GALNT8: variants seen among roughly 807,000 people sequenced by gnomAD.
The protein encoded by GALNT8 is polypeptide N-acetylgalactosaminyltransferase 8.
GALNT8 carries 66 observed loss-of-function variants against 62.7 expected under a neutral mutation model. The ratio of observed to expected loss-of-function variants is 1.05; its 90% confidence interval spans 0.86 to 1.29. The LOEUF (loss-of-function observed/expected upper bound fraction) is 1.29, where lower values mean the gene tolerates loss of function less well. Among genes scored for constraint, GALNT8 ranks in the 50% most tolerant of loss-of-function variants. The pLI, the probability that GALNT8 is intolerant of heterozygous loss-of-function variation, is 0.00. For synonymous variants in GALNT8, 288 were observed against 294.3 expected, an observed-to-expected ratio of 0.98 and a Z score of 0.22; for missense variants, 771 against 791.8, an observed-to-expected ratio of 0.97 and a Z score of 0.32.
At chr12:4,748,469 G>A (rs1946309704) in intron 6 of GALNT8, among the ~76,000 whole-genome samples, 2 of 152,058 alleles carry the variant, frequency 1.3e-5, no homozygotes, top group African/African-American at 4.8e-5. Context: ...ACCATTTATT[G>A]AAGAGACTGT....
intron 2 of GALNT8, among the ~76,000 whole-genome samples, chr12:4,733,416 G>A (rs895553704): frequency 3.3e-5 from 5 of 152,030 alleles, no homozygotes; most frequent in Admixed American, 6.6e-5. Flanking sequence ...ATGTGGGTAC[G>A]GATAAGAGAA....
chr12:4,744,702 TA>T lies in GALNT8; in HGVS notation c.860+4del, dbSNP rs1276827095. 54 of 1,604,810 alleles carry T rather than the reference TA, an allele frequency of 3.4e-5. No individual in the cohort carries two copies. Among genetic ancestry groups the T allele is most frequent in the Non-Finnish European group, 4.3e-5 (51 of 1,174,182 alleles). ...TCACATTGAAGTCAATGTTGGGTGGTAAGGCTCAAAGAGGCTAGTTCTTCTG... is the reference window on the plus strand; with the variant it reads ...TCACATTGAAGTCAATGTTGGGTGGTAGGCTCAAAGAGGCTAGTTCTTCTG... On this transcript the variant is annotated splice_donor_region_variant and intron_variant, in intron 4 of 10. Transcript: ENST00000252318.
At chr12:4,743,545 A>G (rs1418585200) in intron 3 of GALNT8, among the ~76,000 whole-genome samples, 1 of 152,056 alleles carries the variant, frequency 6.6e-6, no homozygotes, top group African/African-American at 2.4e-5. Flanking sequence ...GGCTATGGGG[A>G]GAGAGGAGAG....
chr12:4,769,789 A>G (rs946283925), intron 10 of GALNT8, among the ~76,000 whole-genome samples: 1 of 152,090 alleles, frequency 6.6e-6, no homozygotes, highest in Non-Finnish European at 1.5e-5. Flanking sequence ...TCCTGAGGAC[A>G]TGACCTCATG....
chr12:4,739,332 G>A lies in GALNT8; in HGVS notation c.676+3G>A. On this transcript the variant is annotated splice_donor_region_variant and intron_variant, in intron 3 of 10. Transcript: ENST00000252318. ...GGTGGATGATTTCAGCTCAAATGGT[G>A]AGCAACGTGATCAAAGAATAATTGT... 2 of 1,609,688 alleles carry A rather than the reference G, an allele frequency of 1.2e-6. No individual in the cohort carries two copies. The highest frequency in any genetic ancestry group is 1.7e-6 in the Non-Finnish European group (2 of 1,177,080).
chr12:4,725,618 C>G (rs1946191665), intron 1 of GALNT8, among the ~76,000 whole-genome samples: 1 of 144,778 alleles, frequency 6.9e-6, no homozygotes, highest in Non-Finnish European at 1.5e-5. Context: ...TGCAGTGGCA[C>G]AATCTCGGCT....
chr12:4,744,756 T>C (rs1193754642), intron 4 of GALNT8, 56 bp downstream of exon 4: 12 of 1,158,590 alleles, frequency 1.0e-5, no homozygotes, highest in Non-Finnish European at 1.5e-5. Flanking sequence ...ATATTGTGCA[T>C]GTACTGAACA....
intron 6 of GALNT8, among the ~76,000 whole-genome samples, chr12:4,751,246 G>A (rs1946321233): frequency 6.6e-6 from 1 of 152,144 alleles, no homozygotes; most frequent in Non-Finnish European, 1.5e-5. Context: ...GATGCCAAAA[G>A]CAATAGCAAC....
At chr12:4,757,845 C>T (rs549748893) in intron 6 of GALNT8, among the ~76,000 whole-genome samples, 1 of 152,234 alleles carries the variant, frequency 6.6e-6, no homozygotes, top group East Asian at 1.9e-4. Context: ...ACTTTATTTA[C>T]GGTACTTAGC....
chr12:4,763,694 C>T (rs989463042), intron 8 of GALNT8, among the ~76,000 whole-genome samples: 14 of 142,736 alleles, frequency 9.8e-5, no homozygotes, highest in Non-Finnish European at 1.5e-4. Flanking sequence ...TCCGCAGAGG[C>T]GCCCCTCCCT....
chr12:4,720,777 C>G lies in GALNT8; in HGVS notation c.100C>G (p.Gln34Glu). 2 of 1,612,502 alleles carry G rather than the reference C, an allele frequency of 1.2e-6. No homozygotes were observed. Among genetic ancestry groups the G allele is most frequent in the Non-Finnish European group, 1.7e-6 (2 of 1,178,476 alleles). ...GGTATTTTCTAGCAAGGGGACTTTA[C>G]AAAACCTGTTTACGGGTGGTCTCCA... ...LLVFSSKGTL[Q>E]NLFTGGLHRE... The change falls in exon 1 of 11, where the codon CAA becomes GAA. Residue 34 changes from glutamine (Q) to glutamate (E), a missense_variant. Transcript: ENST00000252318.
At chr12:4,763,149 G>A in intron 7 of GALNT8, 104 bp from the exon 8 acceptor site, 3 of 898,546 alleles carry the variant, frequency 3.3e-6, no homozygotes, top group Non-Finnish European at 5.4e-6. Flanking sequence ...CGTCCACAAG[G>A]ACTCACATGC....
At chr12:4,730,970 C>T (rs1946219451) in intron 2 of GALNT8, among the ~76,000 whole-genome samples, 1 of 151,060 alleles carries the variant, frequency 6.6e-6, no homozygotes, top group Non-Finnish European at 1.5e-5. Context: ...GCCTCAGCCT[C>T]TCCGAGTAGC....
intron 6 of GALNT8, among the ~76,000 whole-genome samples, chr12:4,754,372 A>G (rs1946335304): frequency 6.6e-6 from 1 of 152,072 alleles, no homozygotes; most frequent in Non-Finnish European, 1.5e-5. Flanking sequence ...AGTCTACCTC[A>G]TGTTTTATTA....
intron 1 of GALNT8, among the ~76,000 whole-genome samples, chr12:4,723,877 G>A (rs561763997): frequency 4.6e-5 from 7 of 151,716 alleles, no homozygotes; most frequent in Admixed American, 2.0e-4. Flanking sequence ...TCGGCCGGGC[G>A]CGGTGGCTCA....
At chr12:4,731,029 T>A (rs1403217756) in intron 2 of GALNT8, among the ~76,000 whole-genome samples, 1 of 152,084 alleles carries the variant, frequency 6.6e-6, no homozygotes, top group African/African-American at 2.4e-5. Context: ...TTTGTATTTT[T>A]AGTAGAGACG....
At chr12:4,758,848 C>T (rs1946359001) in intron 6 of GALNT8, among the ~76,000 whole-genome samples, 1 of 151,776 alleles carries the variant, frequency 6.6e-6, no homozygotes, top group Non-Finnish European at 1.5e-5. Context: ...GCAATCTAGG[C>T]TCATTGCAAC....
At chr12:4,727,319 A>C (rs1946200772) in intron 2 of GALNT8, among the ~76,000 whole-genome samples, 1 of 147,982 alleles carries the variant, frequency 6.8e-6, no homozygotes, top group African/African-American at 2.5e-5. Flanking sequence ...TGTGTCTCCC[A>C]CCCTCCTTCA....
In GALNT8 at chr12:4,763,991, G is replaced by T; in HGVS notation, c.1537G>T (p.Gly513Ter). Reference sequence around the variant, plus strand: ...GGATGAAAATGTCTGCTTGGATCAGGGACCCGTTCCAGGCAACACCCCCAT... The same window carrying T: ...GGATGAAAATGTCTGCTTGGATCAGTGACCCGTTCCAGGCAACACCCCCAT... ...LLDENVCLDQ[G>*]PVPGNTPIMY... The change falls in exon 9 of 11, where the codon GGA becomes TGA. Residue 513 changes from glycine to a stop codon, truncating the protein, a stop_gained. Coordinates refer to ENST00000252318, the MANE Select transcript of GALNT8 (RefSeq NM_017417.2). LOFTEE classifies it high-confidence loss of function. The T allele has an allele frequency of 6.3e-7, 1 of 1,599,912 alleles. No individual in the cohort carries two copies. Among genetic ancestry groups the T allele is most frequent in the Non-Finnish European group, 8.6e-7 (1 of 1,166,904 alleles).
Sources: gnomAD v4.1 joint callset for allele counts (sites outside exome capture counted in the v4.1 genomes callset) on GRCh38, gnomAD v4.1.1 for gene constraint, MANE v1.5 for transcripts, NCBI Gene and HGNC (gene_info 2026-07-23, HGNC 2026-07-21) for gene names.